POLR3A: variants seen among roughly 807,000 people sequenced by gnomAD.
POLR3A encodes DNA-directed RNA polymerase III subunit RPC1.
Under a neutral mutation model 152.8 loss-of-function variants are expected in POLR3A, and 112 were observed. The observed-to-expected ratio is 0.73, with a 90% CI of 0.63 to 0.86. POLR3A has a LOEUF of 0.86. Among genes scored for constraint, POLR3A ranks in the 40% least tolerant of loss-of-function variants. The probability of loss-of-function intolerance (pLI) is 0.00; values close to 1 mark genes in which losing one functional copy is unlikely to be tolerated. For synonymous variants in POLR3A, 615 were observed against 652.1 expected (o/e 0.94, Z 0.87); for missense variants, 1,385 against 1,743.1 (o/e 0.79, Z 3.66).
chr10:77,995,273 C>T (rs1847288779), intron 19 of POLR3A, among the ~76,000 whole-genome samples: 2 of 152,112 alleles, frequency 1.3e-5, no homozygotes, highest in African/African-American at 2.4e-5. Context: ...AAATAACCAG[C>T]TAACATCATA....
At position 78,022,248 on chromosome 10, in the gene POLR3A, C is replaced by T; in HGVS notation, c.782G>A (p.Cys261Tyr). The T allele has an allele frequency of 6.2e-7, 1 of 1,614,196 alleles. No individual in the cohort carries two copies. Among genetic ancestry groups the T allele is most frequent in the Non-Finnish European group, 8.5e-7 (1 of 1,180,038 alleles). Reference protein sequence around the residue: ...ILTRLLVPPLCIRPSVVSDLK... With the variant: ...ILTRLLVPPLYIRPSVVSDLK... ...ATCACTCACAACGGAGGGTCTGATA[C>T]ACAAAGGAGGCACCAAAAGTCGTGT... The change falls in exon 6 of 31, where the codon TGT (cysteine) becomes TAT (tyrosine). Residue 261 changes from cysteine to tyrosine, a missense_variant. Physicochemically the swap from Cys to Tyr is radical, Grantham distance 194. Coordinates refer to ENST00000372371, the MANE Select transcript of POLR3A (RefSeq NM_007055.4).
intron 5 of POLR3A, among the ~76,000 whole-genome samples, chr10:78,023,298 A>C (rs1847598073): frequency 6.6e-6 from 1 of 151,540 alleles, no homozygotes; most frequent in Non-Finnish European, 1.5e-5. Context: ...CTGTCTCTAC[A>C]AAAGTACAAA....
chr10:77,985,997 C>A lies in POLR3A; in HGVS notation c.2989-12G>T. Reference sequence around the variant, plus strand: ...TACAGCACACGGGGCTGGGAGAATACAAGCCAAGCACAGAGTTAGGGCCAG... The same window carrying A: ...TACAGCACACGGGGCTGGGAGAATAAAAGCCAAGCACAGAGTTAGGGCCAG... On this transcript the variant is annotated splice_polypyrimidine_tract_variant and intron_variant, in intron 22 of 30. Coordinates refer to ENST00000372371, the MANE Select transcript of POLR3A (RefSeq NM_007055.4). 6.2e-7 allele frequency: 1 copy of A among 1,613,710 alleles called. No homozygotes were observed. Among genetic ancestry groups the A allele is most frequent in the Non-Finnish European group, 8.5e-7 (1 of 1,179,646 alleles).
rs182419932 is a variant in POLR3A at position 78,026,926 on chromosome 10, A to G, written c.45-697T>C. On this transcript the variant is annotated intron_variant, in intron 1 of 30. Coordinates refer to ENST00000372371, the MANE Select transcript of POLR3A (RefSeq NM_007055.4). ...TTCTCCCATGTCTGTCCCTTCATTC[A>G]TTCTTCCAACAAATTGACTATTTCC... 2.1e-4 allele frequency among the ~76,000 whole-genome samples: 32 copies of G among 152,292 alleles called. 1 individual carries two copies. Among genetic ancestry groups the G allele is most frequent in the Non-Finnish European group, 4.0e-4 (27 of 68,032 alleles).
Position 77,982,712 on chromosome 10 carries a change from C to T in POLR3A, c.3535G>A (p.Glu1179Lys). 1 of 1,613,958 alleles carries T rather than the reference C, an allele frequency of 6.2e-7. No individual in the cohort carries two copies. Among genetic ancestry groups the T allele is most frequent in the Middle Eastern group, 1.7e-4 (1 of 6,012 alleles). Residue 1179 changes from glutamate to lysine, a missense_variant, in exon 27 of 31, where the codon GAG (glutamate) becomes AAG (lysine). By Grantham distance (56) the Glu-to-Lys change is moderately conservative. Coordinates refer to ENST00000372371, the MANE Select transcript of POLR3A (RefSeq NM_007055.4). ...TAGTACATGGAGCTCTTGCTGTTCT[C>T]TCTGGGGGTGACACACACCACAGCC... ...GEAVVCVTPR[E>K]NSKSSMYYVL...
At position 77,986,083 on chromosome 10, in the gene POLR3A, C is replaced by T. The variant is rs1168549711; in HGVS notation, c.2978G>A (p.Gly993Asp). 6.3e-7 allele frequency: 1 copy of T among 1,594,616 alleles called. No homozygotes were observed. Among genetic ancestry groups the T allele is most frequent in the South Asian group, 1.1e-5 (1 of 90,710 alleles). The change falls in exon 22 of 31, where the codon GGC becomes GAC. Residue 993 changes from glycine to aspartate, a missense_variant. Gly to Asp is a moderately conservative substitution (Grantham distance 94). Coordinates refer to ENST00000372371, the MANE Select transcript of POLR3A (RefSeq NM_007055.4). ...TRDKYGINDN[G>D]TTEPRVLYQL... ...TTGGAGGGATATTACCTCTGTTGTG[C>T]CGTTATCATTGATGCCATATTTATC...
chr10:78,000,112 C>T lies in POLR3A; in HGVS notation c.2485G>A (p.Ala829Thr). The change falls in exon 19 of 31, where the codon GCT (alanine) becomes ACT (threonine). Residue 829 changes from alanine (A) to threonine (T), a missense_variant. Coordinates refer to ENST00000372371, the MANE Select transcript of POLR3A (RefSeq NM_007055.4). ...CTATTAGCCACAAAGCCTTTGGCAGCTGGGAGCTAAAGAGAGGTAGAAAAA... is the reference window on the plus strand; with the variant it reads ...CTATTAGCCACAAAGCCTTTGGCAGTTGGGAGCTAAAGAGAGGTAGAAAAA... ...PHFEKHSKLP[A>T]AKGFVANSFY... 3 of 1,614,058 alleles carry T rather than the reference C, an allele frequency of 1.9e-6. No homozygotes were observed. The highest frequency in any genetic ancestry group is 1.1e-5 in the South Asian group (1 of 91,074).
intron 11 of POLR3A, chr10:78,013,414 C>A (rs937709845): frequency 3.8e-6 from 2 of 533,030 alleles, no homozygotes; most frequent in Non-Finnish European, 6.7e-6. Context: ...ATCCCCTCAA[C>A]GCATCTGTTA....
In POLR3A at chr10:78,029,475, C is replaced by G; in HGVS notation, c.-68G>C. The G allele has an allele frequency of 2.6e-6, 4 of 1,511,688 alleles. No homozygotes were observed. The East Asian group carries it at 9.0e-5, about 34-fold the overall frequency. The allele number at this position is 1,511,688 out of a possible 1,614,324, so 93.6% of individuals were successfully genotyped here. On this transcript the variant is annotated 5_prime_UTR_variant, in exon 1 of 31. Transcript: ENST00000372371. ...GATTAGAGAAACGATGCCCCCAGCA[C>G]CTCCTGGGGCTGCTTCTGGACTCGC...
At chr10:78,026,742 C>T (rs1003269088) in intron 1 of POLR3A, among the ~76,000 whole-genome samples, 7 of 152,328 alleles carry the variant, frequency 4.6e-5, no homozygotes, top group Non-Finnish European at 1.0e-4. Context: ...AGTGATCATG[C>T]CACTCACATA....
intron 2 of POLR3A, 132 bp downstream of exon 2, chr10:78,025,962 T>C: frequency 1.6e-6 from 2 of 1,268,332 alleles, no homozygotes; most frequent in East Asian, 2.3e-5. Context: ...GCCGGAGTTC[T>C]TGACCTAGTC....
chr10:78,002,712 T>G (rs1847369522), intron 16 of POLR3A, among the ~76,000 whole-genome samples: 1 of 152,082 alleles, frequency 6.6e-6, no homozygotes, highest in Admixed American at 6.6e-5. Flanking sequence ...TTTTTAAAAT[T>G]TTTTTTGTAG....
At chr10:77,995,500 G>A (rs1259026088) in intron 19 of POLR3A, among the ~76,000 whole-genome samples, 1 of 152,088 alleles carries the variant, frequency 6.6e-6, no homozygotes. Context: ...AAAAAGGCAG[G>A]GGTGGCAATC....
chr10:77,996,843 G>A (rs113152798), intron 19 of POLR3A, among the ~76,000 whole-genome samples: 1 of 152,160 alleles, frequency 6.6e-6, no homozygotes, highest in Non-Finnish European at 1.5e-5. Context: ...ACCAAAGCCT[G>A]GCAGAGACAC....
intron 15 of POLR3A, 130 bp from the exon 16 acceptor site, chr10:78,005,018 A>G: frequency 1.3e-6 from 1 of 748,272 alleles, no homozygotes; most frequent in Non-Finnish European, 2.4e-6. Flanking sequence ...AAAGTATAAA[A>G]AAGTGTATAT....
rs547189466 is a variant in POLR3A, at chr10:77,977,270, C to T, written c.*208G>A. ...CAAACAATAAAACCCTCAGCTCTCCCGAGCAGCGTGGCACAGTCAGGGTCA... is the reference window on the plus strand; with the variant it reads ...CAAACAATAAAACCCTCAGCTCTCCTGAGCAGCGTGGCACAGTCAGGGTCA... On this transcript the variant is annotated 3_prime_UTR_variant, in exon 31 of 31. Coordinates refer to ENST00000372371, the MANE Select transcript of POLR3A (RefSeq NM_007055.4). 43 of 615,546 alleles carry T rather than the reference C, an allele frequency of 7.0e-5. No individual in the cohort carries two copies. The highest frequency in any genetic ancestry group is 1.5e-4 in the South Asian group (8 of 53,222). The allele number at this position is 615,546 out of a possible 1,614,324, so 38.1% of individuals were successfully genotyped here. A position where few individuals can be genotyped will look rare whatever the true frequency, so the allele number is the denominator to read the frequency against.
At chr10:78,026,326 C>A in intron 1 of POLR3A, 97 bp from the exon 2 acceptor site, 1 of 1,206,780 alleles carries the variant, frequency 8.3e-7, no homozygotes. Flanking sequence ...ATCCTTCCAA[C>A]TGTCTCCACT....
intron 10 of POLR3A, among the ~76,000 whole-genome samples, chr10:78,016,770 T>C (rs1302043946): frequency 1.4e-5 from 2 of 146,730 alleles, no homozygotes; most frequent in African/African-American, 5.1e-5. Context: ...CTAGCTACGG[T>C]AGGCTGAGGT....
intron 24 of POLR3A, 122 bp from the exon 25 acceptor site, chr10:77,984,420 A>G (rs1316392696): frequency 2.8e-6 from 2 of 712,762 alleles, no homozygotes; most frequent in Admixed American, 2.0e-5. Context: ...CAGTTTACTG[A>G]GCAAGCTCTG....
Sources: allele counts gnomAD v4.1 joint callset (sites outside exome capture counted in the v4.1 genomes callset), GRCh38; gene constraint gnomAD v4.1.1; transcripts MANE v1.5; gene names NCBI Gene and HGNC (gene_info 2026-07-23, HGNC 2026-07-21).